Variants in PARP10 observed in about 807,000 individuals in gnomAD.
PARP10 encodes the protein poly(ADP-ribose) polymerase family member 10.
PARP10 carries 56 observed loss-of-function variants against 82.4 expected under a neutral mutation model. The observed-to-expected ratio is 0.68, with a 90% confidence interval of 0.55 to 0.85. The LOEUF is 0.85. Among genes scored for constraint, PARP10 ranks in the 40% least tolerant of loss-of-function variants. The probability of loss-of-function intolerance (pLI) is 0.00; values close to 1 mark genes in which losing one functional copy is unlikely to be tolerated. For synonymous variants in PARP10, 576 were observed against 601.1 expected (o/e 0.96, Z 0.61); for missense variants, 1,227 against 1,379.4 (o/e 0.89, Z 1.75).
intron 1 of PARP10, among the ~76,000 whole-genome samples, chr8:144,001,161 G>A (rs1039213956): frequency 3.8e-4 from 58 of 151,590 alleles, no homozygotes; most frequent in African/African-American, 1.2e-3. Context: ...TGATCTGCCC[G>A]CCTCAGCCTC....
rs1554746497 is a variant in PARP10, at chr8:143,977,568, G to T, written c.2994C>A (p.Pro998=). The T allele has an allele frequency of 6.4e-7, 1 of 1,573,642 alleles. No homozygotes were observed. ...CGTGCTCGCAGGTGATGAGGTGGGT[G>T]GGCAGCGCCTGGGTGTCGTGGAAGA... The part of the protein sequence containing the change: ...FVIFHDTQAL[P]THLITCEHVP... The change falls in exon 11 of 11, where the codon CCC becomes CCA. Residue 998 remains proline (P), a synonymous_variant. Coordinates refer to ENST00000313028, the MANE Select transcript of PARP10 (RefSeq NM_032789.5).
chr8:144,003,943 G>A (rs963340687), intron 1 of PARP10, among the ~76,000 whole-genome samples: 5 of 151,276 alleles, frequency 3.3e-5, no homozygotes, highest in Non-Finnish European at 7.4e-5. Flanking sequence ...GCTGAGGCAG[G>A]AAGATCACTT....
intron 9 of PARP10, among the ~76,000 whole-genome samples, 195 bp from the exon 10 acceptor site, chr8:143,978,276 G>T (rs1306494454): frequency 3.3e-5 from 5 of 152,146 alleles, no homozygotes; most frequent in African/African-American, 1.2e-4. Context: ...TCAGAGGGCC[G>T]CTGGGGAGGC....
chr8:143,987,889 T>TA (rs142649749), upstream of PARP10, among the ~76,000 whole-genome samples: 41,447 of 146,920 alleles, frequency 0.28, 6,120 homozygotes, highest in South Asian at 0.35. Context: ...AGACTCTGTC[T>TA]AAAAAAAAAA....
chr8:143,978,847 A>G (rs1833782762), intron 9 of PARP10, among the ~76,000 whole-genome samples: 1 of 152,216 alleles, frequency 6.6e-6, no homozygotes, highest in Non-Finnish European at 1.5e-5. Context: ...CCCTGAGCTG[A>G]AGGAACATCT....
At chr8:143,991,779 G>C, upstream of PARP10, 1 of 1,613,172 alleles carries the variant, frequency 6.2e-7, no homozygotes, top group Non-Finnish European at 8.5e-7. Flanking sequence ...GATGACAAGA[G>C]CATCCGACAG....
At chr8:143,990,023 C>T (rs1554750178), upstream of PARP10, 6 of 150,478 alleles carry the variant, frequency 4.0e-5, no homozygotes, top group South Asian at 1.3e-3. The surrounding 1 kb of genome is among the most constrained non-coding windows in gnomAD (Gnocchi z 5.6). Context: ...CACCCCGAAG[C>T]TCGCCCGGCC....
Position 143,984,347 on chromosome 8 carries a change from G to A in PARP10, c.1543C>T (p.Leu515=). The A allele has an allele frequency of 3.7e-6, 6 of 1,613,764 alleles. No homozygotes were observed. The highest frequency in any genetic ancestry group is 5.1e-6 in the Non-Finnish European group (6 of 1,179,990). The change falls in exon 6 of 11, where the codon CTG becomes TTG. Residue 515 remains leucine (L), a synonymous_variant. Transcript: ENST00000313028. ...AACCTGGCGCTGCCCGGGTGCTCCA[G>A]GCACAACACATGGCAGCTAATGCTG... is the stretch of plus-strand genomic sequence containing the variant. ...LGSISCHVLC[L]EHPGSARFLL...
In PARP10 at chr8:143,977,982, A is replaced by G. The variant is rs1554746802; in HGVS notation, c.2656T>C (p.Tyr886His). The change falls in exon 10 of 11, where the codon TAC becomes CAC. Residue 886 changes from tyrosine to histidine, a missense_variant. Tyr to His is a moderately conservative substitution (Grantham distance 83, BLOSUM62 2). Transcript: ENST00000313028. ...CERRPVEQVLYHGTTAPAVPD... is the reference protein window; with the variant it reads ...CERRPVEQVLHHGTTAPAVPD... ...ACTGCCGGTGCCGTCGTGCCGTGGT[A>G]CAGCACCTGCTCCACCGGGCGCCGC... 2 of 1,597,936 alleles carry G rather than the reference A, an allele frequency of 1.3e-6. No individual in the cohort carries two copies. The highest frequency in any genetic ancestry group is 1.7e-6 in the Non-Finnish European group (2 of 1,178,626).
intron 9 of PARP10, among the ~76,000 whole-genome samples, chr8:143,980,319 C>CAAAAAA (rs564801582): frequency 5.0e-4 from 8 of 16,098 alleles, no homozygotes; most frequent in Non-Finnish European, 9.4e-4. Context: ...GATTCCGTCT[C>CAAAAAA]AAAAAAAAAA....
rs1322433049 is a variant in PARP10, at chr8:144,011,467, G to A, written c.-80+1063C>T. Among the ~76,000 whole-genome samples the A allele has an allele frequency of 2.0e-5, 3 of 152,104 alleles. No individual in the cohort carries two copies. Among genetic ancestry groups the A allele is most frequent in the East Asian group, 3.9e-4 (2 of 5,188 alleles). On this transcript the variant is annotated intron_variant, in intron 1 of 3. Coordinates refer to the PARP10 transcript ENST00000530478. The surrounding 1 kb of genome is among the most constrained non-coding windows in gnomAD (Gnocchi z 4.5). Reference sequence around the variant, plus strand: ...CTTCCTCATTCCCACATTCTACCAGGAGTCTGTCCTCTGGCCTGTACCTGG... The same window carrying A: ...CTTCCTCATTCCCACATTCTACCAGAAGTCTGTCCTCTGGCCTGTACCTGG...
intron 1 of PARP10, among the ~76,000 whole-genome samples, chr8:143,998,963 GAATC>G (rs1834180763): frequency 6.9e-6 from 1 of 144,240 alleles, no homozygotes; most frequent in Non-Finnish European, 1.5e-5. Context: ...AAAAAAAAAA[GAATC>G]AAATCAAGCT....
chr8:144,000,172 C>A (rs1432725699), intron 1 of PARP10, among the ~76,000 whole-genome samples: 1 of 152,080 alleles, frequency 6.6e-6, no homozygotes, highest in East Asian at 1.9e-4. Flanking sequence ...AGTCCTAATC[C>A]CCAGTACCTC....
chr8:143,982,835 G>A, intron 9 of PARP10, 97 bp downstream of exon 9: 1 of 1,534,402 alleles, frequency 6.5e-7, no homozygotes, highest in Non-Finnish European at 8.8e-7. Flanking sequence ...AGCTGACCTT[G>A]ATGTAGGCGA....
At chr8:143,991,439 T>C (rs1332964809), upstream of PARP10, 2 of 1,439,760 alleles carry the variant, frequency 1.4e-6, no homozygotes, top group Non-Finnish European at 1.8e-6. Context: ...ACCCACAGGG[T>C]CCCTACCCCC....
upstream of PARP10, among the ~76,000 whole-genome samples, chr8:143,988,074 C>T (rs1217250691): frequency 6.7e-6 from 1 of 150,258 alleles, no homozygotes; most frequent in African/African-American, 2.5e-5. Flanking sequence ...TGGGACTGGC[C>T]CTTCCCTCTG....
chr8:144,012,287 A>G, intron 1 of PARP10: 1 of 556,518 alleles, frequency 1.8e-6, no homozygotes, highest in South Asian at 2.2e-5. Flanking sequence ...AGGACATTCC[A>G]GGCCGAGGCA....
intron 1 of PARP10, among the ~76,000 whole-genome samples, chr8:144,004,149 C>T (rs1834220156): frequency 6.6e-6 from 1 of 151,078 alleles, no homozygotes; most frequent in Non-Finnish European, 1.5e-5. Context: ...CCTATCTCCA[C>T]AAAAAATAAA....
At chr8:144,010,702 C>T (rs933787169) in intron 1 of PARP10, among the ~76,000 whole-genome samples, 12 of 151,738 alleles carry the variant, frequency 7.9e-5, no homozygotes, top group Non-Finnish European at 1.8e-4. Context: ...TGGTAAGACC[C>T]CATGTCTACA....
Sources: allele counts gnomAD v4.1 joint callset (sites outside exome capture counted in the v4.1 genomes callset), GRCh38; gene constraint gnomAD v4.1.1; non-coding constraint Gnocchi (gnomAD v3.1); transcripts MANE v1.5; gene names NCBI Gene and HGNC (gene_info 2026-07-23, HGNC 2026-07-21).